FHOD3: variants seen among roughly 807,000 people sequenced by gnomAD.
The protein encoded by FHOD3 is FH1/FH2 domain-containing protein 3.
In FHOD3, 90 loss-of-function variants were observed where a neutral mutation model predicts 173.0. The ratio of observed to expected loss-of-function variants is 0.52; its 90% confidence interval spans 0.44 to 0.62. FHOD3 has a LOEUF of 0.62. Among genes scored for constraint, FHOD3 ranks in the 20% least tolerant of loss-of-function variants. The pLI, the probability that FHOD3 is intolerant of heterozygous loss-of-function variation, is 0.00. For missense variants in FHOD3, 1,945 were observed against 2,034.7 expected (o/e 0.96, Z 0.85); for synonymous variants, 828 against 823.0 (o/e 1.01, Z -0.10).
chr18:36,769,366 G>A lies in FHOD3; in HGVS notation c.4726G>A (p.Val1576Met). 1 of 1,614,152 alleles carries A rather than the reference G, an allele frequency of 6.2e-7. No homozygotes were observed. The highest frequency in any genetic ancestry group is 8.5e-7 in the Non-Finnish European group (1 of 1,180,032). ...CCGCATCGTCAAGTCAGCCACCCAA[G>A]TGCCCAGTCAGCGAGTGGTGCCGAG... is the stretch of plus-strand genomic sequence containing the variant. The part of the protein sequence containing the change: ...MDRIVKSATQ[V>M]PSQRVVPRER... Residue 1576 changes from valine to methionine, a missense_variant, in exon 28 of 29, where the codon GTG (valine) becomes ATG (methionine). Around this residue, in one of 5 missense-constraint regions of FHOD3, gnomAD observed 354 missense variants for 359.9 expected, o/e 0.98. Coordinates refer to ENST00000590592, the MANE Select transcript of FHOD3 (RefSeq NM_001281740.3).
chr18:36,722,251 C>A (rs1277580281), intron 19 of FHOD3, among the ~76,000 whole-genome samples: 5 of 152,134 alleles, frequency 3.3e-5, no homozygotes, highest in African/African-American at 9.7e-5. Flanking sequence ...GATGTCAGGG[C>A]AGAAAGCCCT....
chr18:36,634,530 A>G (rs954368174), intron 10 of FHOD3, among the ~76,000 whole-genome samples: 2 of 152,110 alleles, frequency 1.3e-5, no homozygotes, highest in African/African-American at 4.8e-5. Flanking sequence ...GCAATGAGCA[A>G]TCTATTTGCA....
At chr18:36,737,247 A>T (rs1271015826) in intron 20 of FHOD3, among the ~76,000 whole-genome samples, 1 of 152,264 alleles carries the variant, frequency 6.6e-6, no homozygotes, top group African/African-American at 2.4e-5. Flanking sequence ...ACAAAGCAAC[A>T]AAATTCATCA....
At chr18:36,459,367 A>C (rs2052416873) in intron 3 of FHOD3, among the ~76,000 whole-genome samples, 1 of 152,202 alleles carries the variant, frequency 6.6e-6, no homozygotes, top group Non-Finnish European at 1.5e-5. Context: ...TGCAAAGAGG[A>C]GTGCAGGAGA....
At chr18:36,735,940 C>A (rs1424475544) in intron 20 of FHOD3, among the ~76,000 whole-genome samples, 1 of 152,232 alleles carries the variant, frequency 6.6e-6, no homozygotes, top group Admixed American at 6.5e-5. Context: ...CTCCAAAATA[C>A]ATGACTTTCA....
At chr18:36,544,949 T>C (rs1461716047) in intron 5 of FHOD3, among the ~76,000 whole-genome samples, 1 of 152,246 alleles carries the variant, frequency 6.6e-6, no homozygotes, top group Non-Finnish European at 1.5e-5. Flanking sequence ...GAAAATTAAA[T>C]ATTTTGCCAC....
At chr18:36,324,885 A>C (rs140531406) in intron 1 of FHOD3, among the ~76,000 whole-genome samples, 2 of 152,240 alleles carry the variant, frequency 1.3e-5, no homozygotes, top group African/African-American at 4.8e-5. Flanking sequence ...ATAATACAAA[A>C]CAGAGCAGTC....
intron 1 of FHOD3, among the ~76,000 whole-genome samples, chr18:36,314,115 C>CA (rs898282731): frequency 2.0e-5 from 3 of 152,194 alleles, no homozygotes; most frequent in African/African-American, 7.2e-5. Flanking sequence ...ACACTGCCCA[C>CA]AAAAAAGATC....
chr18:36,765,624 A>G (rs1609426), intron 27 of FHOD3, among the ~76,000 whole-genome samples: 19,261 of 152,212 alleles, frequency 0.13, 1,345 homozygotes, highest in Admixed American at 0.16. Context: ...GATAATTTCA[A>G]TAGCAAATTA....
chr18:36,549,902 A>AT (rs1314386744), intron 5 of FHOD3, among the ~76,000 whole-genome samples: 19 of 147,716 alleles, frequency 1.3e-4, no homozygotes, highest in African/African-American at 2.7e-4. Context: ...ATTTACTCCC[A>AT]TTTTTTTTTC....
chr18:36,645,834 A>C (rs2035643032), intron 10 of FHOD3, among the ~76,000 whole-genome samples: 3 of 152,170 alleles, frequency 2.0e-5, no homozygotes, highest in Admixed American at 1.3e-4. Flanking sequence ...CTTTAACAGA[A>C]AAAAGGAAAA....
At chr18:36,739,617 G>T (rs950787844) in intron 20 of FHOD3, among the ~76,000 whole-genome samples, 75 of 152,218 alleles carry the variant, frequency 4.9e-4, no homozygotes, top group African/African-American at 1.7e-3. Context: ...CTCTCCATGT[G>T]TTTATTATTT....
chr18:36,709,475 G>A lies in FHOD3; in HGVS notation c.2533+84G>A, dbSNP rs1421717485. On this transcript the variant is annotated intron_variant, in intron 18 of 28. Transcript: ENST00000590592. Reference sequence around the variant, plus strand: ...TGGTTCTCTAAGAGCTTGTCCACAGGCTGGCCTCTGAGGTGACCTGGGTCA... The same window carrying A: ...TGGTTCTCTAAGAGCTTGTCCACAGACTGGCCTCTGAGGTGACCTGGGTCA... The A allele has an allele frequency of 1.2e-5, 18 of 1,452,990 alleles. No individual in the cohort carries two copies. The Admixed American group carries it at 3.2e-4, about 26-fold the overall frequency. The allele number at this position is 1,452,990 out of a possible 1,614,324, so 90.0% of individuals were successfully genotyped here.
At chr18:36,536,727 C>CT (rs1207570382) in intron 5 of FHOD3, among the ~76,000 whole-genome samples, 3 of 152,246 alleles carry the variant, frequency 2.0e-5, no homozygotes, top group African/African-American at 7.2e-5. Flanking sequence ...CTCCTGTCTG[C>CT]TTTTTTTGCT....
intron 5 of FHOD3, among the ~76,000 whole-genome samples, chr18:36,522,206 G>A (rs1483161111): frequency 6.6e-6 from 1 of 152,180 alleles, no homozygotes; most frequent in Non-Finnish European, 1.5e-5. Flanking sequence ...TGTTTTAAGA[G>A]CTCAGTGAAA....
At chr18:36,452,072 G>A (rs529613828) in intron 3 of FHOD3, among the ~76,000 whole-genome samples, 2 of 152,220 alleles carry the variant, frequency 1.3e-5, no homozygotes, top group East Asian at 1.9e-4. Flanking sequence ...AGGATCTCCC[G>A]ACCCAGTGAC....
At chr18:36,723,006 T>G (rs1441217484) in intron 19 of FHOD3, among the ~76,000 whole-genome samples, 1 of 152,214 alleles carries the variant, frequency 6.6e-6, no homozygotes, top group Non-Finnish European at 1.5e-5. Flanking sequence ...TCAGCAGGGC[T>G]GAAGTGTGCC....
intron 1 of FHOD3, among the ~76,000 whole-genome samples, chr18:36,320,172 TA>T (rs1273968999): frequency 4.6e-5 from 7 of 152,054 alleles, no homozygotes; most frequent in African/African-American, 9.6e-5. Flanking sequence ...AAAAACCCTT[TA>T]AAAAAATCAA....
At chr18:36,560,503 C>T (rs570034016) in intron 5 of FHOD3, among the ~76,000 whole-genome samples, 1 of 152,356 alleles carries the variant, frequency 6.6e-6, no homozygotes, top group South Asian at 2.1e-4. Flanking sequence ...GTCTTCCCTT[C>T]AAAGCTCTTG....
Sources: allele counts gnomAD v4.1 joint callset (sites outside exome capture counted in the v4.1 genomes callset), GRCh38; gene constraint gnomAD v4.1.1; regional missense constraint gnomAD v4.1.1; transcripts MANE v1.5; gene names NCBI Gene and HGNC (gene_info 2026-07-23, HGNC 2026-07-21).